KLF12: variants seen among roughly 807,000 people sequenced by gnomAD.
KLF12 encodes Krueppel-like factor 12.
In KLF12, 9 loss-of-function variants were observed where a neutral mutation model predicts 37.8. The ratio of observed to expected loss-of-function variants is 0.24; its 90% CI spans 0.14 to 0.42. The LOEUF (loss-of-function observed/expected upper bound fraction) is 0.42, where lower values mean the gene tolerates loss of function less well. Ranked by LOEUF, KLF12 falls within the 10% of genes least tolerant of loss-of-function variation. The probability of loss-of-function intolerance (pLI) is 1.00; values close to 1 mark genes in which losing one functional copy is unlikely to be tolerated. For missense variants in KLF12, 411 were observed against 516.0 expected, an observed-to-expected ratio of 0.80 and a Z score of 1.97; for synonymous variants, 208 against 202.1, an observed-to-expected ratio of 1.03 and a Z score of -0.25.
the KLF12 span, among the ~76,000 whole-genome samples, chr13:74,143,813 T>A: frequency 6.6e-6 from 1 of 152,242 alleles, no homozygotes; most frequent in African/African-American, 2.4e-5. Flanking sequence ...ATAAACTACA[T>A]GAGATATTCA....
intron 4 of KLF12, among the ~76,000 whole-genome samples, chr13:73,831,166 G>C (rs1884136448): frequency 6.6e-6 from 1 of 152,106 alleles, no homozygotes; most frequent in Non-Finnish European, 1.5e-5. Context: ...ACATTCTCTA[G>C]ATAATTAAGG....
intron 1 of KLF12, among the ~76,000 whole-genome samples, chr13:74,125,524 T>A (rs1311927658): frequency 6.6e-6 from 1 of 152,200 alleles, no homozygotes; most frequent in Non-Finnish European, 1.5e-5. Flanking sequence ...AGGCATGTTC[T>A]AATAAAAATA....
chr13:73,771,994 A>AG (rs1161288884), intron 5 of KLF12, among the ~76,000 whole-genome samples: 2 of 152,282 alleles, frequency 1.3e-5, no homozygotes, highest in East Asian at 3.9e-4. Flanking sequence ...CAGAGGGGAG[A>AG]GATTCTTGCA....
the KLF12 span, among the ~76,000 whole-genome samples, chr13:74,177,537 A>G: frequency 2.0e-5 from 3 of 152,244 alleles, no homozygotes; most frequent in African/African-American, 7.2e-5. Context: ...AAAACCTTAC[A>G]TGAAATTTAA....
At chr13:73,824,723 T>C (rs1367958279) in intron 4 of KLF12, among the ~76,000 whole-genome samples, 1 of 152,188 alleles carries the variant, frequency 6.6e-6, no homozygotes. Context: ...GGTATGCTTT[T>C]ATAAGAAAGA....
At chr13:73,833,582 G>A (rs145522426) in intron 4 of KLF12, among the ~76,000 whole-genome samples, 8 of 152,300 alleles carry the variant, frequency 5.3e-5, no homozygotes, top group Admixed American at 3.3e-4. Flanking sequence ...GATGATGTGT[G>A]TGTGTTTGTG....
intron 1 of KLF12, among the ~76,000 whole-genome samples, chr13:74,065,450 C>T (rs1873859007): frequency 1.6e-5 from 1 of 61,606 alleles, no homozygotes. Flanking sequence ...CTTCATTTAC[C>T]TCTATAAGAG....
intron 1 of KLF12, among the ~76,000 whole-genome samples, chr13:74,015,202 G>A (rs1160508205): frequency 6.6e-6 from 1 of 152,070 alleles, no homozygotes; most frequent in African/African-American, 2.4e-5. Flanking sequence ...ACTGATCCAT[G>A]TCTAATTTAT....
chr13:74,270,623 C>T, the KLF12 span, among the ~76,000 whole-genome samples: 1 of 152,148 alleles, frequency 6.6e-6, no homozygotes, highest in Admixed American at 6.6e-5. Context: ...GGCTTTGTAA[C>T]CTTTATAATA....
At chr13:73,757,388 G>A (rs1290416272) in intron 6 of KLF12, among the ~76,000 whole-genome samples, 1 of 152,080 alleles carries the variant, frequency 6.6e-6, no homozygotes, top group African/African-American at 2.4e-5. Flanking sequence ...TGTATTATTA[G>A]GATACTGGTC....
At chr13:73,831,061 A>G (rs1196794283) in intron 4 of KLF12, among the ~76,000 whole-genome samples, 2 of 151,954 alleles carry the variant, frequency 1.3e-5, no homozygotes, top group African/African-American at 2.4e-5. Flanking sequence ...GATTTCATAT[A>G]TAATAAATTT....
At chr13:74,214,898 G>A in the KLF12 span, among the ~76,000 whole-genome samples, 5 of 151,972 alleles carry the variant, frequency 3.3e-5, no homozygotes, top group Admixed American at 2.6e-4. Context: ...GGGTTCAAGC[G>A]ATTCTCCTGC....
intron 4 of KLF12, among the ~76,000 whole-genome samples, chr13:73,831,598 T>G (rs1289542980): frequency 6.6e-6 from 1 of 152,216 alleles, no homozygotes; most frequent in Non-Finnish European, 1.5e-5. Flanking sequence ...AGCGCCGTGT[T>G]AGCCTGTTTG....
At chr13:73,829,491 T>C (rs1336470286) in intron 4 of KLF12, among the ~76,000 whole-genome samples, 3 of 152,228 alleles carry the variant, frequency 2.0e-5, no homozygotes, top group Non-Finnish European at 4.4e-5. Context: ...TTCTAGGTGG[T>C]ATCATTTTTT....
At chr13:73,801,958 T>G (rs769533832) in intron 5 of KLF12, 27 of 152,050 alleles carry the variant, frequency 1.8e-4, no homozygotes, top group Non-Finnish European at 3.7e-4. Context: ...CAAGAGGTAA[T>G]AAATTCACAT....
chr13:73,763,081 T>C (rs9318213), intron 6 of KLF12, among the ~76,000 whole-genome samples: 64,931 of 151,994 alleles, frequency 0.43, 14,460 homozygotes, highest in African/African-American at 0.53. Context: ...TAATTCTAGG[T>C]CTTTGCTCAA....
chr13:73,875,112 A>C (rs1009798226), intron 3 of KLF12, among the ~76,000 whole-genome samples: 22 of 151,706 alleles, frequency 1.5e-4, no homozygotes, highest in African/African-American at 4.8e-4. Flanking sequence ...AATTAGGAAG[A>C]TCACTCGCCA....
In KLF12 at chr13:74,017,167, G is replaced by A. The variant is rs193275718; in HGVS notation, c.-31-22114C>T. ...TCATTTTGTGGGAACTCATCCATTT[G>A]TACATTTGTAATATATGCACTTCCT... On this transcript the variant is annotated intron_variant, in intron 1 of 7. Transcript: ENST00000377669. 2.2e-3 allele frequency among the ~76,000 whole-genome samples: 311 copies of A among 140,034 alleles called. 2 individuals carry two copies. The highest frequency in any genetic ancestry group is 7.9e-3 in the African/African-American group (299 of 37,792). The allele number at this position is 140,034 out of a possible 152,430, so 91.9% of individuals were successfully genotyped here. A position where few individuals can be genotyped will look rare whatever the true frequency, so the allele number is the denominator to read the frequency against.
the KLF12 span, among the ~76,000 whole-genome samples, chr13:74,277,052 G>A: frequency 3.9e-5 from 6 of 152,290 alleles, no homozygotes; most frequent in South Asian, 1.0e-3. Flanking sequence ...AGCTTCATCT[G>A]TTTCTGTCTT....
Sources: allele counts gnomAD v4.1 joint callset (sites outside exome capture counted in the v4.1 genomes callset), GRCh38; gene constraint gnomAD v4.1.1; transcripts MANE v1.5; gene names NCBI Gene and HGNC (gene_info 2026-07-23, HGNC 2026-07-21).